CSF2RA: variants seen among roughly 807,000 people sequenced by gnomAD.
CSF2RA encodes the protein granulocyte-macrophage colony-stimulating factor receptor subunit alpha.
A neutral mutation model predicts 51.6 loss-of-function variants in CSF2RA; 42 were observed. That is an observed-to-expected ratio of 0.81 (90% CI 0.64 to 1.05). CSF2RA has a LOEUF of 1.05. Among genes scored for constraint, CSF2RA ranks in the 50% least tolerant of loss-of-function variants. CSF2RA has a pLI of 0.00. For synonymous variants in CSF2RA, 222 were observed against 193.0 expected (o/e 1.15, Z -1.24); for missense variants, 530 against 501.1 (o/e 1.06, Z -0.55).
chrX:1,275,806 C>T (rs1445618476), intron 2 of CSF2RA, among the ~76,000 whole-genome samples: 1 of 152,038 alleles, frequency 6.6e-6, no homozygotes, highest in Admixed American at 6.6e-5. Context: ...GATCCGCCCG[C>T]CTCAGCCTCC....
At chrX:1,291,131 G>A (rs1327030471) in intron 7 of CSF2RA, among the ~76,000 whole-genome samples, 59 of 151,896 alleles carry the variant, frequency 3.9e-4, no homozygotes, top group South Asian at 1.0e-3. Context: ...CATCTTGGCC[G>A]GGCTAGTCTC....
intron 12 of CSF2RA, among the ~76,000 whole-genome samples, chrX:1,308,909 G>T (rs2083942552): frequency 6.6e-6 from 1 of 152,174 alleles, no homozygotes; most frequent in African/African-American, 2.4e-5. Context: ...TCCCATGGGT[G>T]GATCTGTCTC....
chrX:1,282,166 C>T (rs1320188318), intron 2 of CSF2RA: 3 of 168,014 alleles, frequency 1.8e-5, no homozygotes, highest in Non-Finnish European at 3.9e-5. Flanking sequence ...GATCGCGCCA[C>T]TGCACTCCAG....
At chrX:1,314,264 A>AACCCCT (rs1569514703), downstream of CSF2RA, among the ~76,000 whole-genome samples, 96 of 83,620 alleles carry the variant, frequency 1.1e-3, 9 homozygotes, top group African/African-American at 4.6e-3. Context: ...GCCCAACCCC[A>AACCCCT]CTGCGCCTGC....
chrX:1,284,275 C>G lies in CSF2RA; in HGVS notation c.76+1496C>G, dbSNP rs763670381. Among the ~76,000 whole-genome samples, 22 of 147,672 alleles carry G rather than the reference C, an allele frequency of 1.5e-4. No homozygotes were observed. In the East Asian group the frequency reaches 4.4e-3, roughly 29 times the overall value. ...CTGGAGTGCAGTGGCGTGATCTCGG[C>G]TCACTGCAGCCTCAGCTTTCTGGGA... On this transcript the variant is annotated intron_variant, in intron 3 of 12. Transcript: ENST00000381529.
chrX:1,285,547 T>C, intron 3 of CSF2RA: 1 of 580,508 alleles, frequency 1.7e-6, no homozygotes, highest in African/African-American at 1.9e-5. Context: ...ATACAAAAAT[T>C]AGCTGGGCAT....
At chrX:1,314,820 GCCTGCCCAACCGCACTGCA>G (rs1284742428), downstream of CSF2RA, among the ~76,000 whole-genome samples, 3 of 42,358 alleles carry the variant, frequency 7.1e-5, 1 homozygote, top group African/African-American at 1.8e-4. Context: ...ACCCCACTGT[GCCTGCCCAACCGCACTGCA>G]CCTGCCCAAT....
the CSF2RA span, among the ~76,000 whole-genome samples, chrX:1,317,259 T>TATTTTA: frequency 1.7e-5 from 2 of 116,070 alleles, no homozygotes. Flanking sequence ...TTTTTTTTTT[T>TATTTTA]TTTTTTTTTG....
At chrX:1,306,362 G>A (rs1471121095) in intron 12 of CSF2RA, among the ~76,000 whole-genome samples, 9 of 151,876 alleles carry the variant, frequency 5.9e-5, no homozygotes, top group Admixed American at 2.0e-4. Flanking sequence ...AGACCCAGGC[G>A]GGGGCCGGTC....
chrX:1,289,547 T>C (rs1347996467), intron 6 of CSF2RA, among the ~76,000 whole-genome samples: 2 of 150,254 alleles, frequency 1.3e-5, no homozygotes, highest in Non-Finnish European at 3.0e-5. Context: ...TCTTTTGTTT[T>C]TGTGTTTTTT....
intron 11 of CSF2RA, among the ~76,000 whole-genome samples, chrX:1,304,874 A>G (rs1221163067): frequency 6.8e-6 from 1 of 148,054 alleles, no homozygotes; most frequent in East Asian, 2.0e-4. Flanking sequence ...CACGTTGGCC[A>G]GGCTGGTCTC....
intron 9 of CSF2RA, chrX:1,300,237 AT>A: frequency 2.3e-6 from 1 of 428,480 alleles, no homozygotes; most frequent in Non-Finnish European, 4.1e-6. Flanking sequence ...AATAAATAAA[AT>A]AAAATAAAAA....
chrX:1,274,385 C>T (rs1292912664), intron 1 of CSF2RA, among the ~76,000 whole-genome samples: 1 of 151,302 alleles, frequency 6.6e-6, no homozygotes, highest in Non-Finnish European at 1.5e-5. Context: ...ATGGTGCAAT[C>T]TCAGCTCACT....
Position 1,303,842 on chromosome X carries a change from T to C in CSF2RA, c.947-81T>C, listed in dbSNP as rs751126631. ...GACTGTTCCCTTTGGCTAAATGCAT[T>C]TGGACACCCGAAGAGATTTAATTTC... On this transcript the variant is annotated intron_variant, in intron 10 of 12. Transcript: ENST00000381529. The C allele has an allele frequency of 5.8e-6, 7 of 1,206,332 alleles. No individual in the cohort carries two copies. In the Admixed American group the frequency reaches 1.0e-4, roughly 17 times the overall value. The allele number at this position is 1,206,332 out of a possible 1,614,324, so 74.7% of individuals were successfully genotyped here. A position where few individuals can be genotyped will look rare whatever the true frequency, so the allele number is the denominator to read the frequency against.
the CSF2RA span, among the ~76,000 whole-genome samples, chrX:1,317,996 C>CT: frequency 6.4e-4 from 94 of 146,446 alleles, 1 homozygote; most frequent in African/African-American, 2.1e-3. Flanking sequence ...CTTTTTTTTT[C>CT]TTTTTTTTGT....
Position 1,293,221 on chromosome X carries a change from G to GTTTGTTTC in CSF2RA, c.647-1100_647-1099insCTTTGTTT, listed in dbSNP as rs1556533775. ...GTCTGATCTTTCTTTTTGTTTGTTT[G>GTTTGTTTC]TTTGTTTTTCTGAGACAGAGTCTCA... is the stretch of plus-strand genomic sequence containing the variant. On this transcript the variant is annotated intron_variant, in intron 7 of 12. Transcript: ENST00000381529. Among the ~76,000 whole-genome samples the GTTTGTTTC allele has an allele frequency of 6.9e-3, 1,040 of 151,536 alleles. 17 individuals are homozygous for GTTTGTTTC. The highest frequency in any genetic ancestry group is 0.024 in the African/African-American group (991 of 41,254).
chrX:1,309,080 T>G (rs28550599), intron 12 of CSF2RA, among the ~76,000 whole-genome samples: 3 of 151,938 alleles, frequency 2.0e-5, no homozygotes, highest in African/African-American at 7.3e-5. Context: ...AGTACAAAAT[T>G]TAGCTGGTGG....
At chrX:1,324,023 A>C in the CSF2RA span, among the ~76,000 whole-genome samples, 2 of 151,968 alleles carry the variant, frequency 1.3e-5, no homozygotes, top group African/African-American at 4.8e-5. Context: ...CAAAAAAAAA[A>C]AAATGCAAAA....
At position 1,300,592 on chromosome X, in the gene CSF2RA, G is replaced by T. The variant is rs764261104; in HGVS notation, c.912G>T (p.Leu304Phe). The T allele has an allele frequency of 6.2e-7, 1 of 1,613,904 alleles. No homozygotes were observed. The highest frequency in any genetic ancestry group is 1.7e-5 in the Admixed American group (1 of 59,992). The change falls in exon 10 of 13, where the codon TTG becomes TTT. Residue 304 changes from leucine to phenylalanine, a missense_variant. Coordinates refer to ENST00000381529, the MANE Select transcript of CSF2RA (RefSeq NM_172245.4). ...TCAGAGCTGCAGACGTCCGCATCTT[G>T]AATTGGAGCTCCTGGAGTGAAGCCA... ...VKIRAADVRI[L>F]NWSSWSEAIE...
Sources: gnomAD v4.1 joint callset for allele counts (sites outside exome capture counted in the v4.1 genomes callset) on GRCh38, gnomAD v4.1.1 for gene constraint, MANE v1.5 for transcripts, NCBI Gene and HGNC (gene_info 2026-07-23, HGNC 2026-07-21) for gene names.